The following PODN variants were observed in gnomAD, a reference collection of about 807,000 sequenced individuals.
PODN encodes the protein podocan.
PODN carries 40 observed loss-of-function variants against 52.7 expected under a neutral mutation model. That is an observed-to-expected ratio of 0.76 (90% CI 0.59 to 0.99). The LOEUF (loss-of-function observed/expected upper bound fraction) is 0.99. PODN is among the 50% of genes least tolerant of loss of function. PODN has a pLI of 0.00. For synonymous variants in PODN, 396 were observed against 377.9 expected, an observed-to-expected ratio of 1.05 and a Z score of -0.56; for missense variants, 720 against 815.1, an observed-to-expected ratio of 0.88 and a Z score of 1.42.
At chr1:53,071,320 C>T (rs1644113573) in intron 2 of PODN, 1 of 490,540 alleles carries the variant, frequency 2.0e-6, no homozygotes, top group Non-Finnish European at 3.6e-6. Flanking sequence ...AAGGCAGGAC[C>T]CACACTCCTG....
At chr1:53,082,214 T>A (rs541322426) in intron 10 of PODN, 26 bp downstream of exon 10, 28 of 1,468,688 alleles carry the variant, frequency 1.9e-5, no homozygotes, top group Non-Finnish European at 2.5e-5. Context: ...GGGGCAGCAC[T>A]CACTTCTGCT....
rs1644281162 is a variant in PODN at position 53,080,624 on chromosome 1, G to T, written c.1513-104G>T. 6 of 1,277,318 alleles carry T rather than the reference G, an allele frequency of 4.7e-6. No homozygotes were observed. The South Asian group carries it at 7.1e-5, about 15-fold the overall frequency. 79.1% of individuals were successfully genotyped at this position (1,277,318 alleles called of 1,614,324 possible). ...AGACACCCCCCCTCCTCCACACAGGGTTATTGTTAGATTTAGATAGGCTGG... is the reference window on the plus strand; with the variant it reads ...AGACACCCCCCCTCCTCCACACAGGTTTATTGTTAGATTTAGATAGGCTGG... On this transcript the variant is annotated intron_variant, in intron 8 of 10. Coordinates refer to ENST00000312553, the MANE Select transcript of PODN (RefSeq NM_153703.5).
intron 9 of PODN, 150 bp from the exon 10 acceptor site, chr1:53,081,831 C>T (rs953003698): frequency 4.8e-5 from 57 of 1,178,032 alleles, no homozygotes; most frequent in Middle Eastern, 6.0e-4. Flanking sequence ...TCATGTACTG[C>T]GCTCTCAGCC....
At position 53,078,659 on chromosome 1, in the gene PODN, C is replaced by T. The variant is rs905895967; in HGVS notation, c.1149C>T (p.Arg383=). 5.0e-6 allele frequency: 8 copies of T among 1,613,006 alleles called. No homozygotes were observed. Among genetic ancestry groups the T allele is most frequent in the Middle Eastern group, 1.6e-4 (1 of 6,084 alleles). The change falls in exon 8 of 11, where the codon CGC becomes CGT. Residue 383 remains arginine, a synonymous_variant. Coordinates refer to ENST00000312553, the MANE Select transcript of PODN (RefSeq NM_153703.5). ...CCAGTGGCCTGCCTCGCCGCGTGCGCACCCTCATGATCCTGCACAACCAGA... is the reference window on the plus strand; with the variant it reads ...CCAGTGGCCTGCCTCGCCGCGTGCGTACCCTCATGATCCTGCACAACCAGA... The part of the protein sequence containing the change: ...RVPSGLPRRV[R]TLMILHNQIT...
At chr1:53,074,499 G>A in intron 3 of PODN, 107 bp from the exon 4 acceptor site, 7 of 1,268,118 alleles carry the variant, frequency 5.5e-6, no homozygotes, top group Non-Finnish European at 7.9e-6. Flanking sequence ...AGCTGCCTCT[G>A]CCTCCCTAGT....
intron 10 of PODN, among the ~76,000 whole-genome samples, 187 bp downstream of exon 10, chr1:53,082,375 C>T (rs1486430819): frequency 2.6e-5 from 4 of 152,150 alleles, no homozygotes; most frequent in Non-Finnish European, 5.9e-5. Flanking sequence ...TACGGGAGGC[C>T]CACACCTTCC....
chr1:53,077,838 G>A (rs749517650), intron 7 of PODN, 38 bp downstream of exon 7: 8 of 1,577,386 alleles, frequency 5.1e-6, no homozygotes, highest in African/African-American at 1.3e-5. Context: ...GCGTGACCAC[G>A]GGGCCCGGGA....
At chr1:53,072,114 A>AAAAAT (rs547765031) in intron 3 of PODN, among the ~76,000 whole-genome samples, 37 of 150,034 alleles carry the variant, frequency 2.5e-4, no homozygotes, top group African/African-American at 7.7e-4. Context: ...AAAATAAAAT[A>AAAAAT]AAAATAAAAT....
chr1:53,068,464 C>A (rs1450504592), intron 1 of PODN, among the ~76,000 whole-genome samples: 1 of 152,246 alleles, frequency 6.6e-6, no homozygotes, highest in African/African-American at 2.4e-5. Context: ...GCTGTCCCTG[C>A]TGCTCACTTA....
At chr1:53,074,814 TG>T (rs1557652876) in intron 4 of PODN, 144 bp downstream of exon 4, 1 of 220,362 alleles carries the variant, frequency 4.5e-6, no homozygotes, top group Non-Finnish European at 9.3e-6. Flanking sequence ...GGGTCGGGGG[TG>T]GGGGAGACAC....
At position 53,082,025 on chromosome 1, in the gene PODN, G is replaced by A. The variant is rs776416294; in HGVS notation, c.1706G>A (p.Arg569Gln). 47 of 1,613,156 alleles carry A rather than the reference G, an allele frequency of 2.9e-5. No homozygotes were observed. The highest frequency in any genetic ancestry group is 4.0e-5 in the African/African-American group (3 of 74,872). Residue 569 changes from arginine (R) to glutamine (Q), a missense_variant, in exon 10 of 11, where the codon CGG becomes CAG. Transcript: ENST00000312553. ...GGCTCCGTGGTGGACAGTGCCTTCC[G>A]GAGGCTGAAGCACCTGCAGGTCTTG... ...AVGSVVDSAF[R>Q]RLKHLQVLDI...
chr1:53,065,785 T>C (rs1014535365), intron 1 of PODN, among the ~76,000 whole-genome samples: 3 of 152,170 alleles, frequency 2.0e-5, no homozygotes, highest in African/African-American at 7.2e-5. Flanking sequence ...CCTGACAGTC[T>C]TGTGAGTGTG....
At chr1:53,070,626 G>T (rs1644103265) in intron 2 of PODN, among the ~76,000 whole-genome samples, 1 of 152,248 alleles carries the variant, frequency 6.6e-6, no homozygotes, top group African/African-American at 2.4e-5. Context: ...TGAGAGGTGG[G>T]ACACAGTGTC....
intron 4 of PODN, among the ~76,000 whole-genome samples, chr1:53,075,187 A>C (rs1475752679): frequency 6.6e-6 from 1 of 152,172 alleles, no homozygotes; most frequent in African/African-American, 2.4e-5. Context: ...GGCCATGTCC[A>C]GTGGTTGTCT....
intron 6 of PODN, 149 bp downstream of exon 6, chr1:53,077,495 A>C (rs1644212773): frequency 7.7e-7 from 1 of 1,297,996 alleles, no homozygotes; most frequent in Non-Finnish European, 1.1e-6. Context: ...TCTACTGTGG[A>C]GAAGTGGGCA....
chr1:53,070,641 CTAGGAGCACCCTGGAGTG>C (rs1644103565), intron 2 of PODN, among the ~76,000 whole-genome samples: 1 of 152,248 alleles, frequency 6.6e-6, no homozygotes, highest in African/African-American at 2.4e-5. Context: ...AGTGTCCAGA[CTAGGAGCACCCTGGAGTG>C]CAGATGCACC....
At position 53,062,300 on chromosome 1, in the gene PODN, G is replaced by T. The variant is rs1219600701; in HGVS notation, c.-64G>T. On this transcript the variant is annotated 5_prime_UTR_variant, in exon 1 of 11. Transcript: ENST00000312553. ...CTGTGGGGCGCCGCTCGGCGCCGGG[G>T]CGCAGCAGGTACAGGGCGCTGGCAG... 1.6e-6 allele frequency: 2 copies of T among 1,255,740 alleles called. No individual in the cohort carries two copies. Among genetic ancestry groups the T allele is most frequent in the Non-Finnish European group, 1.0e-6 (1 of 993,102 alleles). 77.8% of individuals were successfully genotyped at this position (1,255,740 alleles called of 1,614,324 possible).
intron 6 of PODN, 35 bp from the exon 7 acceptor site, chr1:53,077,650 C>T: frequency 1.3e-6 from 2 of 1,577,924 alleles, no homozygotes; most frequent in African/African-American, 1.3e-5. Context: ...CTCGGCCCTC[C>T]CTCACAATCT....
intron 8 of PODN, 109 bp downstream of exon 8, chr1:53,079,131 G>A: frequency 1.5e-6 from 2 of 1,339,522 alleles, no homozygotes; most frequent in African/African-American, 1.5e-5. Context: ...TGGTGAGGGA[G>A]GTTCCTCTGG....
Sources: gnomAD v4.1 joint callset for allele counts (sites outside exome capture counted in the v4.1 genomes callset) on GRCh38, gnomAD v4.1.1 for gene constraint, MANE v1.5 for transcripts, NCBI Gene and HGNC (gene_info 2026-07-23, HGNC 2026-07-21) for gene names.